TMEM117: variants seen among roughly 807,000 people sequenced by gnomAD.
The protein encoded by TMEM117 is transmembrane protein 117.
TMEM117 carries 27 observed loss-of-function variants against 52.4 expected under a neutral mutation model. That is an observed-to-expected ratio of 0.51 (90% confidence interval 0.38 to 0.71). The LOEUF is 0.71. Ranked by LOEUF, TMEM117 falls within the 30% of genes least tolerant of loss-of-function variation. TMEM117 has a pLI of 0.00. For missense variants in TMEM117, 556 were observed against 630.5 expected, an observed-to-expected ratio of 0.88 and a Z score of 1.26; for synonymous variants, 215 against 206.3, an observed-to-expected ratio of 1.04 and a Z score of -0.36.
chr12:43,804,637 T>A, the TMEM117 span: 1 of 1,135,390 alleles, frequency 8.8e-7, no homozygotes. Flanking sequence ...CTATCTATAT[T>A]GGAAAAGTTA....
intron 4 of TMEM117, among the ~76,000 whole-genome samples, chr12:44,189,489 T>A (rs1176609432): frequency 6.6e-5 from 10 of 152,194 alleles, no homozygotes; most frequent in African/African-American, 2.2e-4. Context: ...GTATTTACCT[T>A]AGGCTCATGT....
At chr12:44,118,861 C>T (rs1010709649) in intron 3 of TMEM117, among the ~76,000 whole-genome samples, 1 of 152,130 alleles carries the variant, frequency 6.6e-6, no homozygotes, top group African/African-American at 2.4e-5. Context: ...TTATTTGCAT[C>T]TCTGGTTTAA....
At chr12:44,245,621 A>G (rs1950119546) in intron 5 of TMEM117, among the ~76,000 whole-genome samples, 2 of 151,528 alleles carry the variant, frequency 1.3e-5, no homozygotes, top group Non-Finnish European at 2.9e-5. Context: ...TTTTCTATAT[A>G]TAAGATCAAG....
chr12:44,253,875 C>CACCT (rs1228704177), intron 5 of TMEM117, among the ~76,000 whole-genome samples: 1 of 149,892 alleles, frequency 6.7e-6, no homozygotes, highest in Non-Finnish European at 1.5e-5. Flanking sequence ...CACACACACA[C>CACCT]ACCTTCTCTC....
intron 3 of TMEM117, among the ~76,000 whole-genome samples, chr12:44,043,014 T>C (rs1946826910): frequency 6.6e-6 from 1 of 152,128 alleles, no homozygotes; most frequent in Non-Finnish European, 1.5e-5. Context: ...CAGCGTGAAT[T>C]GTTTAGAGAG....
rs530173297 is a variant in TMEM117 at position 43,880,360 on chromosome 12, T to A, written c.277+35432T>A. On this transcript the variant is annotated intron_variant, in intron 2 of 7. Transcript: ENST00000266534. Reference sequence around the variant, plus strand: ...ATGTTACATGGTTACATAACTTTTTTAAAAAAATTTCTTTCTAACTTCAAT... The same window carrying A: ...ATGTTACATGGTTACATAACTTTTTAAAAAAAATTTCTTTCTAACTTCAAT... Among the ~76,000 whole-genome samples the A allele has an allele frequency of 1.4e-3, 214 of 152,214 alleles. 1 individual carries two copies. Among genetic ancestry groups the A allele is most frequent in the African/African-American group, 2.0e-3 (82 of 41,554 alleles).
chr12:44,398,758 A>G, the TMEM117 span, among the ~76,000 whole-genome samples: 1 of 152,242 alleles, frequency 6.6e-6, no homozygotes, highest in Non-Finnish European at 1.5e-5. Context: ...CAAAAAACCA[A>G]CTGAAATAAT....
chr12:43,922,921 A>G (rs1944718915), intron 2 of TMEM117, among the ~76,000 whole-genome samples: 2 of 152,152 alleles, frequency 1.3e-5, no homozygotes, highest in Admixed American at 6.5e-5. Flanking sequence ...TTTATTCCTA[A>G]AAGACTGTAT....
chr12:43,895,750 C>T (rs1944189816), intron 2 of TMEM117, among the ~76,000 whole-genome samples: 1 of 152,154 alleles, frequency 6.6e-6, no homozygotes, highest in African/African-American at 2.4e-5. Flanking sequence ...ATTCCGTACA[C>T]CATGCTAAAG....
intron 3 of TMEM117, among the ~76,000 whole-genome samples, chr12:44,010,843 G>C (rs1242076402): frequency 6.6e-6 from 1 of 152,052 alleles, no homozygotes; most frequent in Non-Finnish European, 1.5e-5. Flanking sequence ...ATACAAAACT[G>C]TATCTAAACA....
chr12:43,930,139 A>G (rs965089362), intron 2 of TMEM117, among the ~76,000 whole-genome samples: 1 of 152,092 alleles, frequency 6.6e-6, no homozygotes, highest in East Asian at 1.9e-4. Context: ...ATCACATCCT[A>G]AAGCCTGAAC....
chr12:44,387,128 A>T (rs772128725), intron 7 of TMEM117, among the ~76,000 whole-genome samples: 2 of 151,830 alleles, frequency 1.3e-5, no homozygotes, highest in Non-Finnish European at 2.9e-5. Context: ...GCAATAATTT[A>T]TAATAAAAAA....
intron 2 of TMEM117, among the ~76,000 whole-genome samples, chr12:43,864,298 G>A (rs1279979731): frequency 6.6e-6 from 1 of 152,248 alleles, no homozygotes; most frequent in Non-Finnish European, 1.5e-5. Flanking sequence ...ACTGCGCAGG[G>A]ACTGGCAGGC....
chr12:44,097,213 C>T (rs1211744466), intron 3 of TMEM117, among the ~76,000 whole-genome samples: 1 of 152,134 alleles, frequency 6.6e-6, no homozygotes, highest in Admixed American at 6.6e-5. Flanking sequence ...AGTCAGGAAA[C>T]AACAGGTGCT....
At chr12:44,044,297 G>T (rs1946847419) in intron 3 of TMEM117, among the ~76,000 whole-genome samples, 1 of 152,146 alleles carries the variant, frequency 6.6e-6, no homozygotes, top group Non-Finnish European at 1.5e-5. Context: ...TAGGATTTTG[G>T]AGCAAGGCCC....
chr12:43,930,792 T>G (rs1206799918), intron 2 of TMEM117, among the ~76,000 whole-genome samples: 2 of 152,226 alleles, frequency 1.3e-5, no homozygotes, highest in Non-Finnish European at 2.9e-5. Context: ...TTTTAAGATC[T>G]TTTTTGTCTT....
At chr12:44,004,025 A>T (rs1313400171) in intron 3 of TMEM117, among the ~76,000 whole-genome samples, 3 of 152,178 alleles carry the variant, frequency 2.0e-5, no homozygotes, top group African/African-American at 7.2e-5. Flanking sequence ...CCTTGTACTC[A>T]AATAATGGTG....
rs536453797 is a variant in TMEM117, at chr12:43,877,609, C to T, written c.277+32681C>T. ...GAGATCGTGTCACTGCACTCCAGCC[C>T]GGGCGACATAGTGCGACTCGGTCTC... On this transcript the variant is annotated intron_variant, in intron 2 of 7. Transcript: ENST00000266534. 2.8e-4 allele frequency among the ~76,000 whole-genome samples: 41 copies of T among 147,528 alleles called. No individual in the cohort carries two copies. In the South Asian group the frequency reaches 3.9e-3, roughly 14 times the overall value.
intron 6 of TMEM117, among the ~76,000 whole-genome samples, chr12:44,355,045 A>G (rs1951627144): frequency 1.3e-5 from 2 of 152,030 alleles, no homozygotes; most frequent in South Asian, 2.1e-4. Flanking sequence ...AAGTTAGCAG[A>G]CCCAAAGTAA....
Sources: gnomAD v4.1 joint callset for allele counts (sites outside exome capture counted in the v4.1 genomes callset) on GRCh38, gnomAD v4.1.1 for gene constraint, MANE v1.5 for transcripts, NCBI Gene and HGNC (gene_info 2026-07-23, HGNC 2026-07-21) for gene names.